CFAP43: variants seen among roughly 807,000 people sequenced by gnomAD.
The protein encoded by CFAP43 is cilia- and flagella-associated protein 43.
CFAP43 carries 155 observed loss-of-function variants against 218.9 expected under a neutral mutation model. The ratio of observed to expected loss-of-function variants is 0.71; its 90% CI spans 0.62 to 0.81. The LOEUF (loss-of-function observed/expected upper bound fraction) is 0.81. CFAP43 is among the 30% of genes least tolerant of loss of function. The pLI is 0.00. For missense variants in CFAP43, 1,778 were observed against 1,954.3 expected (o/e 0.91, Z 1.70); for synonymous variants, 645 against 681.3 (o/e 0.95, Z 0.83).
Position 104,186,130 on chromosome 10 carries a change from A to G in CFAP43, c.1861-7T>C, listed in dbSNP as rs144274358. 4.9e-4 allele frequency: 725 copies of G among 1,474,106 alleles called. 2 individuals are homozygous for G. The African/African-American group carries it at 8.8e-3, about 18-fold the overall frequency. The allele number at this position is 1,474,106 out of a possible 1,614,324, so 91.3% of individuals were successfully genotyped here. On this transcript the variant is annotated splice_polypyrimidine_tract_variant and splice_region_variant and intron_variant, in intron 14 of 37. Transcript: ENST00000357060. ...TGTAGATACCGGTATGTTCCTGCCAATCAAAGAAAATAACCACATTATAGA... is the reference window on the plus strand; with the variant it reads ...TGTAGATACCGGTATGTTCCTGCCAGTCAAAGAAAATAACCACATTATAGA...
In CFAP43 at chr10:104,131,412, T is replaced by A; in HGVS notation, c.4750A>T (p.Ile1584Leu). 6.2e-7 allele frequency: 1 copy of A among 1,613,868 alleles called. No individual in the cohort carries two copies. The highest frequency in any genetic ancestry group is 8.5e-7 in the Non-Finnish European group (1 of 1,179,936). Residue 1584 changes from isoleucine to leucine, a missense_variant, in exon 37 of 38, where the codon ATA becomes TTA. Transcript: ENST00000357060. ...KLGKFSNQKD[I>L]ANYALSCNLR... Reference sequence around the variant, plus strand: ...TTGCAGCTTAGGGCATAATTTGCTATATCTTTTTGATTGCTGAACTTTCCA... The same window carrying A: ...TTGCAGCTTAGGGCATAATTTGCTAAATCTTTTTGATTGCTGAACTTTCCA...
chr10:104,147,939 A>G lies in CFAP43; in HGVS notation c.3720T>C (p.Ser1240=), dbSNP rs1345569843. The change falls in exon 29 of 38, where the codon TCT becomes TCC. Residue 1240 remains serine (S), a synonymous_variant. Transcript: ENST00000357060. ...FSLLLDEELS[S]REKFLNNYLT... Reference sequence around the variant, plus strand: ...GGTAGTTGTTCAGGAATTTTTCTCTAGAGCTTAATTCTTCATCCAACAATA... The same window carrying G: ...GGTAGTTGTTCAGGAATTTTTCTCTGGAGCTTAATTCTTCATCCAACAATA... 6.2e-7 allele frequency: 1 copy of G among 1,604,938 alleles called. No homozygotes were observed. Among genetic ancestry groups the G allele is most frequent in the Non-Finnish European group, 8.5e-7 (1 of 1,175,416 alleles).
At chr10:104,162,493 C>T (rs1589674686) in intron 24 of CFAP43, 90 bp from the exon 25 acceptor site, 2 of 1,144,782 alleles carry the variant, frequency 1.7e-6, no homozygotes, top group Non-Finnish European at 2.6e-6. Context: ...CTGGAAGATA[C>T]TAAGGGGATT....
intron 30 of CFAP43, 92 bp from the exon 31 acceptor site, chr10:104,145,656 T>G: frequency 1.3e-6 from 1 of 792,374 alleles, no homozygotes; most frequent in Admixed American, 2.7e-5. Flanking sequence ...TGGTAGCACT[T>G]TGGTTTTAAA....
intron 10 of CFAP43, 32 bp from the exon 11 acceptor site, chr10:104,194,046 T>C: frequency 6.2e-7 from 1 of 1,606,582 alleles, no homozygotes; most frequent in Non-Finnish European, 8.5e-7. Flanking sequence ...TGCGTATCTC[T>C]ATTGTGCCTG....
Position 104,185,561 on chromosome 10 carries a change from C to T in CFAP43, c.2010+413G>A, listed in dbSNP as rs191257297. Among the ~76,000 whole-genome samples, 20 of 152,154 alleles carry T rather than the reference C, an allele frequency of 1.3e-4. No individual in the cohort carries two copies. The East Asian group carries it at 2.9e-3, about 22-fold the overall frequency. On this transcript the variant is annotated intron_variant, in intron 15 of 37. Transcript: ENST00000357060. ...AGCTGAGTATAATGAGAGAGGGTGACGGGCACTGTGAAGAATGGAAGATAA... is the reference window on the plus strand; with the variant it reads ...AGCTGAGTATAATGAGAGAGGGTGATGGGCACTGTGAAGAATGGAAGATAA...
intron 5 of CFAP43, among the ~76,000 whole-genome samples, chr10:104,209,141 A>G (rs569616172): frequency 6.6e-6 from 1 of 152,324 alleles, no homozygotes; most frequent in Non-Finnish European, 1.5e-5. Flanking sequence ...ACATTGAAGG[A>G]GGGAATAGAA....
chr10:104,166,451 C>G (rs1433030578), intron 23 of CFAP43, 37 bp downstream of exon 23: 2 of 1,507,722 alleles, frequency 1.3e-6, no homozygotes, highest in Non-Finnish European at 1.8e-6. Context: ...AATGGGGAGT[C>G]TAGAGATTTT....
intron 31 of CFAP43, among the ~76,000 whole-genome samples, chr10:104,144,527 T>C (rs982392910): frequency 2.6e-5 from 4 of 152,188 alleles, no homozygotes; most frequent in Non-Finnish European, 5.9e-5. Flanking sequence ...CATGTGCCTG[T>C]AGTCCCAGCT....
chr10:104,158,402 C>T (rs1022397994), intron 27 of CFAP43, among the ~76,000 whole-genome samples: 2 of 152,228 alleles, frequency 1.3e-5, no homozygotes, highest in African/African-American at 4.8e-5. Flanking sequence ...CCTCCTGATA[C>T]GATGCACTGA....
chr10:104,210,781 C>CTCT (rs1349922600), intron 5 of CFAP43, among the ~76,000 whole-genome samples: 2 of 106,218 alleles, frequency 1.9e-5, no homozygotes, highest in Non-Finnish European at 4.0e-5. Flanking sequence ...ACGTGAAACA[C>CTCT]TCTTTTTTTT....
chr10:104,179,388 T>C (rs1422548144), intron 18 of CFAP43, among the ~76,000 whole-genome samples: 2 of 152,114 alleles, frequency 1.3e-5, no homozygotes, highest in African/African-American at 4.8e-5. Context: ...GGAAAACCAG[T>C]ATGCACTTTT....
In CFAP43 at chr10:104,131,349, C is replaced by T. The variant is rs2087182239; in HGVS notation, c.4813G>A (p.Asp1605Asn). Residue 1605 changes from aspartate (D) to asparagine (N), a missense_variant, in exon 37 of 38, where the codon GAC becomes AAC. Physicochemically the swap from Asp to Asn is conservative, Grantham distance 23. Around this residue, in one of 3 missense-constraint regions of CFAP43, gnomAD observed 211 missense variants for 230.6 expected, o/e 0.91. Transcript: ENST00000357060. ...EELVAVSERKDICNAMGSKLT... is the reference protein window; with the variant it reads ...EELVAVSERKNICNAMGSKLT... ...TGCTTACCCATTGCATTACAGATGT[C>T]TTTTCTCTCTGAGACAGCTACCAAC... 1 of 1,611,258 alleles carries T rather than the reference C, an allele frequency of 6.2e-7. No homozygotes were observed.
chr10:104,156,265 T>C (rs971022608), intron 27 of CFAP43, among the ~76,000 whole-genome samples: 1 of 152,138 alleles, frequency 6.6e-6, no homozygotes, highest in African/African-American at 2.4e-5. Context: ...ACTGGTAATG[T>C]TATCCTCACA....
chr10:104,200,670 C>CAAAAAA (rs71022722), intron 8 of CFAP43, among the ~76,000 whole-genome samples: 1 of 22,638 alleles, frequency 4.4e-5, no homozygotes, highest in Non-Finnish European at 9.8e-5. Flanking sequence ...GACTCTGTCT[C>CAAAAAA]AAAAAAAAAA....
intron 2 of CFAP43, among the ~76,000 whole-genome samples, chr10:104,227,443 A>G (rs901740051): frequency 6.6e-6 from 1 of 152,352 alleles, no homozygotes; most frequent in African/African-American, 2.4e-5. Flanking sequence ...CCTAGCAATT[A>G]TGATCATAAA....
chr10:104,165,120 C>A (rs1458609198), intron 23 of CFAP43, among the ~76,000 whole-genome samples: 3 of 152,172 alleles, frequency 2.0e-5, no homozygotes, highest in Non-Finnish European at 4.4e-5. Flanking sequence ...TATGAACACA[C>A]CATTCTCAGG....
At chr10:104,175,174 C>A (rs1446509270) in intron 19 of CFAP43, among the ~76,000 whole-genome samples, 1 of 152,030 alleles carries the variant, frequency 6.6e-6, no homozygotes, top group Non-Finnish European at 1.5e-5. Flanking sequence ...GTGGCTCATG[C>A]CTGTAATCCC....
At chr10:104,132,714 C>T in intron 35 of CFAP43, 1 of 984,988 alleles carries the variant, frequency 1.0e-6, no homozygotes, top group Non-Finnish European at 1.2e-6. Flanking sequence ...CATCAAAGCA[C>T]CAATTATTAC....
Sources: allele counts gnomAD v4.1 joint callset (sites outside exome capture counted in the v4.1 genomes callset), GRCh38; gene constraint gnomAD v4.1.1; regional missense constraint gnomAD v4.1.1; transcripts MANE v1.5; gene names NCBI Gene and HGNC (gene_info 2026-07-23, HGNC 2026-07-21).